ADAMTSL1: variants seen among roughly 807,000 people sequenced by gnomAD.
ADAMTSL1 encodes the protein ADAMTS-like protein 1.
Under a neutral mutation model 201.8 loss-of-function variants are expected in ADAMTSL1, and 126 were observed. That is an observed-to-expected ratio of 0.62 (90% CI 0.54 to 0.72). The LOEUF (loss-of-function observed/expected upper bound fraction) is 0.72, where lower values mean the gene tolerates loss of function less well. Among genes scored for constraint, ADAMTSL1 ranks in the 30% least tolerant of loss-of-function variants. The pLI is 0.00. For missense variants in ADAMTSL1, 2,679 were observed against 2,277.8 expected (o/e 1.18, Z -3.59); for synonymous variants, 1,121 against 903.4 (o/e 1.24, Z -4.32).
intron 20 of ADAMTSL1, among the ~76,000 whole-genome samples, chr9:18,811,993 T>C (rs1439760203): frequency 1.3e-5 from 2 of 152,126 alleles, no homozygotes; most frequent in African/African-American, 4.8e-5. Context: ...TTATCATGGA[T>C]TGGAAAACAC....
chr9:18,367,364 CAG>C (rs1836813520), intron 2 of ADAMTSL1, among the ~76,000 whole-genome samples: 1 of 142,480 alleles, frequency 7.0e-6, no homozygotes, highest in African/African-American at 2.6e-5. Context: ...TTTTAGATAA[CAG>C]AAGATAAGAT....
intron 1 of ADAMTSL1, among the ~76,000 whole-genome samples, chr9:18,112,039 C>A (rs561325535): frequency 4.9e-4 from 75 of 152,268 alleles, no homozygotes; most frequent in African/African-American, 1.7e-3. Flanking sequence ...CACCAGGAAC[C>A]TGATGCAGGT....
intron 1 of ADAMTSL1, among the ~76,000 whole-genome samples, chr9:18,034,534 C>G (rs1186079015): frequency 1.3e-5 from 2 of 151,994 alleles, no homozygotes; most frequent in East Asian, 3.9e-4. Context: ...TTTTTTCAAA[C>G]CAGTTTTGCC....
At chr9:18,195,297 T>A (rs1350929315) in intron 2 of ADAMTSL1, among the ~76,000 whole-genome samples, 1 of 152,132 alleles carries the variant, frequency 6.6e-6, no homozygotes, top group Non-Finnish European at 1.5e-5. Context: ...TAGTGGTGTA[T>A]CCTCCAATGC....
chr9:18,710,197 C>A (rs557659758), intron 14 of ADAMTSL1, among the ~76,000 whole-genome samples: 1 of 152,216 alleles, frequency 6.6e-6, no homozygotes, highest in Non-Finnish European at 1.5e-5. Flanking sequence ...AACCCATTCC[C>A]ACCTCCCCTC....
At chr9:18,068,738 C>G (rs1172582607) in intron 1 of ADAMTSL1, among the ~76,000 whole-genome samples, 3 of 152,188 alleles carry the variant, frequency 2.0e-5, no homozygotes, top group African/African-American at 7.2e-5. Context: ...ACTGAAAGCA[C>G]TCTATGTGGC....
At chr9:18,886,205 T>TACACACAC (rs1287116252) in intron 23 of ADAMTSL1, among the ~76,000 whole-genome samples, 1 of 123,160 alleles carries the variant, frequency 8.1e-6, no homozygotes, top group African/African-American at 3.6e-5. Flanking sequence ...TATATATATA[T>TACACACAC]ATATATACAC....
intron 2 of ADAMTSL1, among the ~76,000 whole-genome samples, chr9:18,421,539 TA>T (rs1329735584): frequency 2.6e-5 from 4 of 152,194 alleles, no homozygotes; most frequent in Non-Finnish European, 4.4e-5. Context: ...CAGCAAGCTG[TA>T]AAAAGCTTCC....
intron 3 of ADAMTSL1, among the ~76,000 whole-genome samples, chr9:18,566,897 A>G (rs1468577776): frequency 6.6e-6 from 1 of 152,152 alleles, no homozygotes; most frequent in African/African-American, 2.4e-5. Context: ...CTTGGTTGTG[A>G]TCAGATTCTG....
intron 1 of ADAMTSL1, among the ~76,000 whole-genome samples, chr9:18,108,465 G>A (rs1184614183): frequency 6.6e-6 from 1 of 152,094 alleles, no homozygotes; most frequent in Admixed American, 6.6e-5. Context: ...CTCCCAAAGT[G>A]TTGGGATTAC....
At chr9:18,791,825 C>T (rs1822080399) in intron 19 of ADAMTSL1, among the ~76,000 whole-genome samples, 1 of 152,164 alleles carries the variant, frequency 6.6e-6, no homozygotes, top group African/African-American at 2.4e-5. Flanking sequence ...GTTTCCATTG[C>T]CGCTACTCCT....
intron 1 of ADAMTSL1, among the ~76,000 whole-genome samples, chr9:17,949,327 G>A (rs868011900): frequency 6.6e-6 from 1 of 152,136 alleles, no homozygotes; most frequent in Non-Finnish European, 1.5e-5. Flanking sequence ...AGAGAGCTGA[G>A]ATATGAAGGG....
At chr9:18,640,141 C>G (rs1827350519) in intron 7 of ADAMTSL1, among the ~76,000 whole-genome samples, 1 of 152,068 alleles carries the variant, frequency 6.6e-6, no homozygotes, top group African/African-American at 2.4e-5. Context: ...CCCATGGCAG[C>G]TGGAAGTAAG....
chr9:18,770,552 C>T, intron 16 of ADAMTSL1, 50 bp from the exon 17 acceptor site: 7 of 1,533,242 alleles, frequency 4.6e-6, no homozygotes, highest in Non-Finnish European at 6.2e-6. Flanking sequence ...AGTCAGACTG[C>T]CTTCCCATAT....
intron 26 of ADAMTSL1, 60 bp from the exon 27 acceptor site, chr9:18,905,722 C>T (rs751932386): frequency 4.9e-5 from 67 of 1,364,474 alleles, no homozygotes; most frequent in African/African-American, 2.7e-4. Flanking sequence ...AGCCCAAGCA[C>T]GGCGGCCTCC....
chr9:18,085,231 G>C (rs992590708), intron 1 of ADAMTSL1, among the ~76,000 whole-genome samples: 2 of 152,096 alleles, frequency 1.3e-5, no homozygotes, highest in African/African-American at 4.8e-5. Flanking sequence ...GAGCAATAGA[G>C]GAACTAATGC....
At chr9:18,364,278 C>A (rs1480687524) in intron 2 of ADAMTSL1, among the ~76,000 whole-genome samples, 1 of 152,098 alleles carries the variant, frequency 6.6e-6, no homozygotes, top group Admixed American at 6.5e-5. Flanking sequence ...AGAGGAACAT[C>A]CTAATCTTCC....
chr9:18,033,761 CA>C (rs1460178200), intron 1 of ADAMTSL1, among the ~76,000 whole-genome samples: 1 of 152,228 alleles, frequency 6.6e-6, no homozygotes, highest in African/African-American at 2.4e-5. Context: ...CTATAATCAG[CA>C]TCTACTGTTT....
At chr9:18,871,646 AG>A (rs1254492186) in intron 23 of ADAMTSL1, among the ~76,000 whole-genome samples, 1 of 152,194 alleles carries the variant, frequency 6.6e-6, no homozygotes, top group African/African-American at 2.4e-5. Context: ...TTCCATCCAC[AG>A]GGGTGGTGAT....
Sources: allele counts gnomAD v4.1 joint callset (sites outside exome capture counted in the v4.1 genomes callset), GRCh38; gene constraint gnomAD v4.1.1; transcripts MANE v1.5; gene names NCBI Gene and HGNC (gene_info 2026-07-23, HGNC 2026-07-21).